The following LAMA3 variants were observed in gnomAD, a reference collection of about 807,000 sequenced individuals.
LAMA3 encodes laminin subunit alpha 3.
A neutral mutation model predicts 402.0 loss-of-function variants in LAMA3; 281 were observed. The observed-to-expected ratio is 0.70, with a 90% CI of 0.63 to 0.77. The LOEUF (loss-of-function observed/expected upper bound fraction) is 0.77, where lower values mean the gene tolerates loss of function less well. Among genes scored for constraint, LAMA3 ranks in the 30% least tolerant of loss-of-function variants. The pLI is 0.00. For synonymous variants in LAMA3, 1,431 were observed against 1,558.4 expected, an observed-to-expected ratio of 0.92 and a Z score of 1.93; for missense variants, 3,840 against 4,215.5, an observed-to-expected ratio of 0.91 and a Z score of 2.47.
At chr18:23,721,189 T>C (rs1188503606) in intron 2 of LAMA3, among the ~76,000 whole-genome samples, 4 of 152,094 alleles carry the variant, frequency 2.6e-5, no homozygotes, top group African/African-American at 9.7e-5. Context: ...TCTCTTTCTC[T>C]GTATATATGT....
chr18:23,881,995 C>T lies in LAMA3; in HGVS notation c.5172C>T (p.Gly1724=), dbSNP rs1228202811. ...AACGCTGCCAGGAGGGCTACTATGG[C>T]AACGCCGTCCACGGATCCTGCAGGG... is the stretch of plus-strand genomic sequence containing the variant. ...HCERCQEGYY[G]NAVHGSCRAC... is the part of the protein sequence containing the mutation. Residue 1724 remains glycine, a synonymous_variant, in exon 40 of 75, where the codon GGC becomes GGT. Coordinates refer to ENST00000313654, the MANE Select transcript of LAMA3 (RefSeq NM_198129.4). 1.2e-6 allele frequency: 2 copies of T among 1,613,932 alleles called. No individual in the cohort carries two copies. Among genetic ancestry groups the T allele is most frequent in the Non-Finnish European group, 1.7e-6 (2 of 1,179,982 alleles).
intron 23 of LAMA3, among the ~76,000 whole-genome samples, chr18:23,832,248 C>T (rs554283849): frequency 6.6e-6 from 1 of 152,202 alleles, no homozygotes; most frequent in African/African-American, 2.4e-5. Context: ...TGGAGATGCC[C>T]AGGGGAGAAA....
chr18:23,920,851 G>A (rs1037540105), intron 60 of LAMA3, 84 bp from the exon 61 acceptor site: 1 of 1,528,330 alleles, frequency 6.5e-7, no homozygotes, highest in Non-Finnish European at 9.0e-7. Flanking sequence ...GAGCAGGGGG[G>A]TCTGTGAGAG....
intron 18 of LAMA3, among the ~76,000 whole-genome samples, chr18:23,818,331 T>G (rs1156493291): frequency 6.6e-6 from 1 of 152,220 alleles, no homozygotes; most frequent in Non-Finnish European, 1.5e-5. Context: ...TTACCCAGCC[T>G]GAGGCAAGAA....
intron 68 of LAMA3, among the ~76,000 whole-genome samples, chr18:23,942,597 T>C (rs2145494299): frequency 1.3e-5 from 2 of 151,580 alleles, no homozygotes; most frequent in Middle Eastern, 6.8e-3. Context: ...TTTTTTTTTT[T>C]TAGACAGAGC....
At chr18:23,764,966 G>A (rs1320915002) in intron 8 of LAMA3, among the ~76,000 whole-genome samples, 1 of 151,962 alleles carries the variant, frequency 6.6e-6, no homozygotes, top group Non-Finnish European at 1.5e-5. Flanking sequence ...GATAAACTAT[G>A]GGCAAAATAC....
At chr18:23,949,534 G>A (rs533862310) in intron 70 of LAMA3, among the ~76,000 whole-genome samples, 2 of 152,102 alleles carry the variant, frequency 1.3e-5, no homozygotes, top group East Asian at 3.9e-4. Context: ...TGCAATCTTC[G>A]ACCACCCACC....
At chr18:23,898,285 AG>A (rs1233157070) in intron 44 of LAMA3, 2 of 173,484 alleles carry the variant, frequency 1.2e-5, no homozygotes, top group African/African-American at 4.8e-5. Context: ...GAGGCTGTTC[AG>A]CTACAAGAGC....
intron 2 of LAMA3, among the ~76,000 whole-genome samples, chr18:23,717,719 A>C (rs2061131199): frequency 8.6e-6 from 1 of 116,804 alleles, no homozygotes; most frequent in South Asian, 3.0e-4. Flanking sequence ...TGCCTGGCTA[A>C]ATTTTTTTTT....
chr18:23,748,158 G>A (rs1227698657), intron 3 of LAMA3, 98 bp downstream of exon 3: 4 of 855,092 alleles, frequency 4.7e-6, no homozygotes, highest in Non-Finnish European at 6.0e-6. Flanking sequence ...GCTGGGTGTG[G>A]TGGCTCACCC....
At chr18:23,894,446 A>G in intron 43 of LAMA3, 98 bp downstream of exon 43, 1 of 1,104,894 alleles carries the variant, frequency 9.1e-7, no homozygotes, top group Non-Finnish European at 1.4e-6. Flanking sequence ...CAGTCTGGGA[A>G]AGTAAGGGTG....
At chr18:23,730,610 G>A (rs930478679) in intron 2 of LAMA3, among the ~76,000 whole-genome samples, 18 of 151,920 alleles carry the variant, frequency 1.2e-4, no homozygotes, top group East Asian at 1.9e-4. Flanking sequence ...CAGGTGATCC[G>A]CCTGCCTCGG....
intron 60 of LAMA3, 53 bp from the exon 61 acceptor site, chr18:23,920,882 T>G: frequency 6.2e-7 from 1 of 1,610,456 alleles, no homozygotes; most frequent in Admixed American, 1.7e-5. Flanking sequence ...TCCAGTGCTC[T>G]GCCTCTTCTT....
chr18:23,719,926 C>T (rs760598644), intron 2 of LAMA3, among the ~76,000 whole-genome samples: 7 of 152,204 alleles, frequency 4.6e-5, no homozygotes, highest in Non-Finnish European at 8.8e-5. Flanking sequence ...GGTTTTGACC[C>T]AGTCTTTCTG....
intron 14 of LAMA3, among the ~76,000 whole-genome samples, chr18:23,813,853 A>G (rs1324858460): frequency 6.6e-6 from 1 of 151,892 alleles, no homozygotes; most frequent in East Asian, 1.9e-4. Flanking sequence ...ATTCTGAACA[A>G]TTTTCTGAGA....
At chr18:23,870,788 A>C (rs991123701) in intron 37 of LAMA3, among the ~76,000 whole-genome samples, 4 of 152,232 alleles carry the variant, frequency 2.6e-5, no homozygotes, top group Non-Finnish European at 5.9e-5. Flanking sequence ...GAAATAGTCA[A>C]TTCTTAGCAA....
intron 12 of LAMA3, among the ~76,000 whole-genome samples, chr18:23,802,585 C>G (rs1353836937): frequency 6.6e-6 from 1 of 152,156 alleles, no homozygotes. Context: ...TCTGTTGATT[C>G]AGAGGAATGA....
chr18:23,888,519 G>A (rs2080516969), intron 41 of LAMA3, among the ~76,000 whole-genome samples: 1 of 152,082 alleles, frequency 6.6e-6, no homozygotes, highest in South Asian at 2.1e-4. Flanking sequence ...CATCTTCATG[G>A]AGCTTATATT....
Position 23,901,904 on chromosome 18 carries a change from G to A in LAMA3, c.6201+581G>A, listed in dbSNP as rs1353390912. The stretch of plus-strand genomic sequence containing the variant: ...AGACGGGGTTTCACCATGTTGGCTA[G>A]GCTGGTCTCGAACTCCTGACCTCAG... On this transcript the variant is annotated intron_variant, in intron 48 of 74. Coordinates refer to ENST00000313654, the MANE Select transcript of LAMA3 (RefSeq NM_198129.4). Among the ~76,000 whole-genome samples, 5 of 152,176 alleles carry A rather than the reference G, an allele frequency of 3.3e-5. No homozygotes were observed. In the East Asian group the frequency reaches 9.6e-4, roughly 29 times the overall value.
Sources: gnomAD v4.1 joint callset for allele counts (sites outside exome capture counted in the v4.1 genomes callset) on GRCh38, gnomAD v4.1.1 for gene constraint, MANE v1.5 for transcripts, NCBI Gene and HGNC (gene_info 2026-07-23, HGNC 2026-07-21) for gene names.